Variants in FSTL5 observed in about 807,000 individuals in gnomAD.
The protein encoded by FSTL5 is follistatin-related protein 5.
A neutral mutation model predicts 89.1 loss-of-function variants in FSTL5; 62 were observed. The observed-to-expected ratio is 0.70, with a 90% CI of 0.57 to 0.86. The LOEUF (loss-of-function observed/expected upper bound fraction) is 0.86, where lower values mean the gene tolerates loss of function less well. Ranked by LOEUF, FSTL5 falls within the 40% of genes least tolerant of loss-of-function variation. The probability of loss-of-function intolerance (pLI) is 0.00; values close to 1 mark genes in which losing one functional copy is unlikely to be tolerated. For synonymous variants in FSTL5, 383 were observed against 346.2 expected (o/e 1.11, Z -1.18); for missense variants, 1,057 against 1,001.6 (o/e 1.06, Z -0.75).
chr4:162,051,816 G>GA lies in FSTL5; in HGVS notation c.127-18159dup, dbSNP rs200262791. 2.8e-3 allele frequency among the ~76,000 whole-genome samples: 415 copies of GA among 150,738 alleles called. 1 individual carries two copies. Among genetic ancestry groups the GA allele is most frequent in the African/African-American group, 8.8e-3 (365 of 41,262 alleles). ...CACATGATGAAATTCATGGAGCGCT[G>GA]AAAAAAAACAGTATTTGTGGGAAAC... On this transcript the variant is annotated intron_variant, in intron 2 of 15. Coordinates refer to ENST00000306100, the MANE Select transcript of FSTL5 (RefSeq NM_020116.5).
At chr4:161,673,769 C>T (rs1450142175) in intron 6 of FSTL5, among the ~76,000 whole-genome samples, 1 of 151,756 alleles carries the variant, frequency 6.6e-6, no homozygotes, top group Non-Finnish European at 1.5e-5. Flanking sequence ...AATTTGTTTA[C>T]ATTTTTAAAT....
chr4:161,739,988 G>T (rs1739950477), intron 6 of FSTL5, among the ~76,000 whole-genome samples: 1 of 150,942 alleles, frequency 6.6e-6, no homozygotes, highest in African/African-American at 2.4e-5. Flanking sequence ...TTCAAAATAG[G>T]ATAGTATCTA....
intron 1 of FSTL5, among the ~76,000 whole-genome samples, chr4:162,135,123 A>G (rs1732473629): frequency 6.6e-6 from 1 of 152,166 alleles, no homozygotes; most frequent in Non-Finnish European, 1.5e-5. Context: ...TAATTAGCTC[A>G]TTATGGAGCC....
chr4:161,744,358 A>G (rs1242336565), intron 6 of FSTL5, among the ~76,000 whole-genome samples: 1 of 152,118 alleles, frequency 6.6e-6, no homozygotes, highest in Non-Finnish European at 1.5e-5. Context: ...AGCTGAGATG[A>G]GTTGTACCAT....
chr4:161,755,261 A>G (rs1740529451), intron 6 of FSTL5, among the ~76,000 whole-genome samples: 1 of 152,112 alleles, frequency 6.6e-6, no homozygotes, highest in Admixed American at 6.5e-5. Context: ...ATAATTGACC[A>G]TTCAATACCT....
At chr4:161,520,689 T>C (rs558441386) in intron 10 of FSTL5, among the ~76,000 whole-genome samples, 2 of 152,156 alleles carry the variant, frequency 1.3e-5, no homozygotes, top group South Asian at 4.1e-4. Flanking sequence ...AAATATATCT[T>C]AGTTCTTGAA....
At chr4:161,416,013 A>G (rs1304866421) in intron 15 of FSTL5, among the ~76,000 whole-genome samples, 1 of 152,016 alleles carries the variant, frequency 6.6e-6, no homozygotes, top group Admixed American at 6.6e-5. Flanking sequence ...ACATAAGACA[A>G]TGTTTACTCT....
chr4:161,512,874 C>T (rs547562316), intron 10 of FSTL5, among the ~76,000 whole-genome samples: 1 of 151,944 alleles, frequency 6.6e-6, no homozygotes, highest in Admixed American at 6.6e-5. Context: ...AAAATAAAGA[C>T]AAAGTTTTAA....
chr4:161,811,850 A>G (rs897641608), intron 4 of FSTL5, among the ~76,000 whole-genome samples: 1 of 152,178 alleles, frequency 6.6e-6, no homozygotes. Flanking sequence ...ATTTATCTCA[A>G]ATAAGCAGCC....
At chr4:161,602,244 A>T (rs1734271923) in intron 7 of FSTL5, among the ~76,000 whole-genome samples, 4 of 129,772 alleles carry the variant, frequency 3.1e-5, no homozygotes, top group Non-Finnish European at 6.3e-5. Context: ...AGTGAGAGAG[A>T]GGGAGAGAAA....
At chr4:161,707,761 G>T (rs919499229) in intron 6 of FSTL5, among the ~76,000 whole-genome samples, 2 of 151,790 alleles carry the variant, frequency 1.3e-5, no homozygotes, top group Non-Finnish European at 2.9e-5. Context: ...TTTTAATGGT[G>T]ATACACAATA....
chr4:161,813,883 G>A (rs1432831598), intron 4 of FSTL5, among the ~76,000 whole-genome samples: 2 of 152,008 alleles, frequency 1.3e-5, no homozygotes, highest in African/African-American at 2.4e-5. Flanking sequence ...TAATAGTTCT[G>A]TGTCTCTTTT....
intron 6 of FSTL5, among the ~76,000 whole-genome samples, chr4:161,751,733 A>G (rs1357388774): frequency 6.6e-6 from 1 of 151,966 alleles, no homozygotes; most frequent in Non-Finnish European, 1.5e-5. Context: ...GTGAGCTATG[A>G]TAGTGTCACT....
intron 3 of FSTL5, among the ~76,000 whole-genome samples, chr4:162,029,164 A>G (rs201347238): frequency 8.3e-5 from 8 of 96,162 alleles, no homozygotes; most frequent in Admixed American, 1.1e-4. Context: ...AGAGAGAGAG[A>G]GAGTGTGTGT....
chr4:161,521,656 G>A lies in FSTL5; in HGVS notation c.1313-11232C>T, dbSNP rs975804965. On this transcript the variant is annotated intron_variant, in intron 10 of 15. Transcript: ENST00000306100. ...AAGGTCAGGAGATCGAGACCATCCT[G>A]GCTAACACGGTGAAACCCCGTCTCT... Among the ~76,000 whole-genome samples, 30 of 151,784 alleles carry A rather than the reference G, an allele frequency of 2.0e-4. 1 individual carries two copies. Among genetic ancestry groups the A allele is most frequent in the Non-Finnish European group, 3.7e-4 (25 of 67,950 alleles).
chr4:161,843,607 T>C (rs549987563), intron 4 of FSTL5, among the ~76,000 whole-genome samples: 2 of 152,218 alleles, frequency 1.3e-5, no homozygotes, highest in African/African-American at 4.8e-5. Flanking sequence ...TATAGACCAA[T>C]GGACCGGAAA....
chr4:161,742,407 C>A lies in FSTL5; in HGVS notation c.727+17004G>T, dbSNP rs116515621. Among the ~76,000 whole-genome samples the A allele has an allele frequency of 7.2e-5, 11 of 152,210 alleles. No homozygotes were observed. In the East Asian group the frequency reaches 2.1e-3, roughly 29 times the overall value. On this transcript the variant is annotated intron_variant, in intron 6 of 15. Transcript: ENST00000306100. ...TCATATTGAGGACAGAGAGAGGGGA[C>A]CAGTTTTTAAATTGTTTAGGGGAAC...
intron 3 of FSTL5, among the ~76,000 whole-genome samples, chr4:161,986,652 A>G (rs1288310789): frequency 6.6e-6 from 1 of 152,268 alleles, no homozygotes; most frequent in African/African-American, 2.4e-5. Flanking sequence ...TATTATTTAA[A>G]TATTAGTTTC....
chr4:161,588,229 T>C (rs1733686233), intron 7 of FSTL5, among the ~76,000 whole-genome samples: 1 of 152,124 alleles, frequency 6.6e-6, no homozygotes, highest in Non-Finnish European at 1.5e-5. Flanking sequence ...ATAGCTATAA[T>C]GTGTTTTCTT....
Sources: allele counts gnomAD v4.1 joint callset (sites outside exome capture counted in the v4.1 genomes callset), GRCh38; gene constraint gnomAD v4.1.1; transcripts MANE v1.5; gene names NCBI Gene and HGNC (gene_info 2026-07-23, HGNC 2026-07-21).